The following SLC6A6 variants were observed in gnomAD, a reference collection of about 807,000 sequenced individuals.
SLC6A6 encodes sodium- and chloride-dependent taurine transporter.
A neutral mutation model predicts 68.8 loss-of-function variants in SLC6A6; 16 were observed. That is an observed-to-expected ratio of 0.23 (90% CI 0.16 to 0.35). SLC6A6 has a LOEUF of 0.35. SLC6A6 is among the 10% of genes least tolerant of loss of function. SLC6A6 has a pLI of 1.00. For synonymous variants in SLC6A6, 312 were observed against 315.4 expected (o/e 0.99, Z 0.12); for missense variants, 474 against 802.8 (o/e 0.59, Z 4.95).
chr3:14,460,407 G>C (rs549191864), intron 6 of SLC6A6, among the ~76,000 whole-genome samples: 1 of 152,166 alleles, frequency 6.6e-6, no homozygotes, highest in Admixed American at 6.5e-5. Flanking sequence ...GGGTGGCCAG[G>C]CAAGACCTAC....
chr3:14,441,887 C>T lies in SLC6A6; in HGVS notation c.-11-1737C>T, dbSNP rs151019971. Among the ~76,000 whole-genome samples, 719 of 152,380 alleles carry T rather than the reference C, an allele frequency of 4.7e-3. 1 individual carries two copies. Among genetic ancestry groups the T allele is most frequent in the Non-Finnish European group, 7.3e-3 (495 of 68,034 alleles). ...ACACCCTACTGTGTGCCAGGCATGG[C>T]GCCTGGCTCTGGGACACAGTTGTGA... On this transcript the variant is annotated intron_variant, in intron 2 of 14. Coordinates refer to ENST00000622186, the MANE Select transcript of SLC6A6 (RefSeq NM_003043.6).
At chr3:14,433,328 C>T (rs1225830999) in intron 2 of SLC6A6, among the ~76,000 whole-genome samples, 1 of 152,158 alleles carries the variant, frequency 6.6e-6, no homozygotes, top group African/African-American at 2.4e-5. Context: ...CATGGCTTCA[C>T]CCATGGAGCC....
At chr3:14,451,839 C>T (rs184644060) in intron 5 of SLC6A6, among the ~76,000 whole-genome samples, 40 of 152,284 alleles carry the variant, frequency 2.6e-4, no homozygotes, top group Admixed American at 1.4e-3. Context: ...ATTTTTTGCG[C>T]GTTGCTGTCT....
rs1700681683 is a variant in SLC6A6, at chr3:14,468,658, A to G, written c.1096+446A>G. On this transcript the variant is annotated intron_variant, in intron 9 of 14. Coordinates refer to ENST00000622186, the MANE Select transcript of SLC6A6 (RefSeq NM_003043.6). The surrounding 1 kb of genome is among the most constrained non-coding windows in gnomAD (Gnocchi z 4.5). The stretch of plus-strand genomic sequence containing the variant: ...TCCCTCTAAGCAGACGCATTCATCC[A>G]TCCCACCGATTTCTCGTGAATGAGT... 6.6e-6 allele frequency among the ~76,000 whole-genome samples: 1 copy of G among 152,040 alleles called. No homozygotes were observed. Among genetic ancestry groups the G allele is most frequent in the African/African-American group, 2.4e-5 (1 of 41,376 alleles).
Position 14,447,828 on chromosome 3 carries a change from TCA to T in SLC6A6, c.599+13_599+14del. ...ATCGAGTTCTGGGAGTAAGGCCACC[TCA>T]TTGAAGCAAGGAGGAGGACATGGGT... On this transcript the variant is annotated intron_variant, in intron 5 of 14. Coordinates refer to ENST00000622186, the MANE Select transcript of SLC6A6 (RefSeq NM_003043.6). 1 of 1,613,932 alleles carries T rather than the reference TCA, an allele frequency of 6.2e-7. No homozygotes were observed. The highest frequency in any genetic ancestry group is 8.5e-7 in the Non-Finnish European group (1 of 1,179,922).
chr3:14,449,362 G>A (rs1361812383), intron 5 of SLC6A6, among the ~76,000 whole-genome samples: 1 of 152,220 alleles, frequency 6.6e-6, no homozygotes, highest in East Asian at 1.9e-4. Flanking sequence ...TCGGTTCCCC[G>A]CTCCCTGGGG....
intron 11 of SLC6A6, 28 bp from the exon 12 acceptor site, chr3:14,478,438 C>A (rs369376341): frequency 4.2e-6 from 6 of 1,435,066 alleles, no homozygotes; most frequent in African/African-American, 1.4e-5. Flanking sequence ...GGTAGGAAAT[C>A]GACCTTCTGT....
intron 1 of SLC6A6, among the ~76,000 whole-genome samples, 191 bp downstream of exon 1, chr3:14,403,038 C>T (rs918100319): frequency 6.6e-6 from 1 of 151,784 alleles, no homozygotes; most frequent in African/African-American, 2.4e-5. Context: ...ATTGTTTCCC[C>T]GGCAAAAGGG....
At chr3:14,431,640 G>T (rs1296120135) in intron 2 of SLC6A6, among the ~76,000 whole-genome samples, 1 of 152,186 alleles carries the variant, frequency 6.6e-6, no homozygotes, top group Non-Finnish European at 1.5e-5. Context: ...CTAGGAATCG[G>T]CTTCCAGTTA....
intron 7 of SLC6A6, among the ~76,000 whole-genome samples, chr3:14,467,246 C>A (rs1362961496): frequency 6.6e-6 from 1 of 152,224 alleles, no homozygotes; most frequent in Non-Finnish European, 1.5e-5. Context: ...TTCCCCACCA[C>A]CCTTCCCCCT....
rs775653728 is a variant in SLC6A6 at position 14,458,064 on chromosome 3, C to T, written c.714C>T (p.Gly238=). ...WLVCFFCIWK[G]VRSTGKVVYF... ...TGTGTTTCTTCTGCATCTGGAAGGG[C>T]GTCAGGTCCACTGGGAAGGTAAGTT... The change falls in exon 6 of 15, where the codon GGC becomes GGT. Residue 238 remains glycine, a synonymous_variant. Transcript: ENST00000622186. 1.2e-5 allele frequency: 19 copies of T among 1,613,724 alleles called. No individual in the cohort carries two copies. Among genetic ancestry groups the T allele is most frequent in the Middle Eastern group, 1.6e-4 (1 of 6,084 alleles).
At chr3:14,420,233 G>C (rs557327413) in intron 2 of SLC6A6, among the ~76,000 whole-genome samples, 1 of 152,326 alleles carries the variant, frequency 6.6e-6, no homozygotes, top group South Asian at 2.1e-4. Context: ...AGAAGTTCAA[G>C]ACCAGCCTGG....
intron 6 of SLC6A6, among the ~76,000 whole-genome samples, chr3:14,464,826 C>G (rs562935797): frequency 4.6e-5 from 7 of 152,320 alleles, no homozygotes; most frequent in African/African-American, 1.7e-4. Context: ...TCCAAGGTCC[C>G]CTGATCCCCA....
chr3:14,441,413 G>T (rs1699982624), intron 2 of SLC6A6, among the ~76,000 whole-genome samples: 1 of 152,148 alleles, frequency 6.6e-6, no homozygotes, highest in Non-Finnish European at 1.5e-5. Flanking sequence ...GTAGCCATTG[G>T]CCTGTCGAAT....
rs114264993 is a variant in SLC6A6, at chr3:14,485,013, C to T, written c.*6C>T. ...TTGTGGAGACCATGATGTGAGCTCT[C>T]TCGGGTCGACGGGGCCGGCGGCTTT... On this transcript the variant is annotated 3_prime_UTR_variant, in exon 15 of 15. Coordinates refer to ENST00000622186, the MANE Select transcript of SLC6A6 (RefSeq NM_003043.6). 8,952 of 1,600,546 alleles carry T rather than the reference C, an allele frequency of 5.6e-3. 259 individuals carry two copies. In the African/African-American group the frequency reaches 0.076, roughly 14 times the overall value.
At chr3:14,446,027 G>T (rs1469931408) in intron 4 of SLC6A6, among the ~76,000 whole-genome samples, 176 bp downstream of exon 4, 2 of 152,242 alleles carry the variant, frequency 1.3e-5, no homozygotes, top group African/African-American at 4.8e-5. Flanking sequence ...CTGCTTAGGA[G>T]TACGGGGAAA....
At chr3:14,457,295 G>T (rs1468430242) in intron 5 of SLC6A6, among the ~76,000 whole-genome samples, 1 of 152,138 alleles carries the variant, frequency 6.6e-6, no homozygotes, top group African/African-American at 2.4e-5. Flanking sequence ...GGCAGGGGAG[G>T]AAACCAGCAT....
In SLC6A6 at chr3:14,409,675, T is replaced by C. The variant is rs566035911; in HGVS notation, c.-53-6737T>C. ...AGGGGAGATCCCTATCAGGAGGAGG[T>C]TAGTGAACAGTCTAAGATGGTTTAT... On this transcript the variant is annotated intron_variant, in intron 1 of 14. Transcript: ENST00000622186. Among the ~76,000 whole-genome samples the C allele has an allele frequency of 1.3e-3, 199 of 151,924 alleles. 2 individuals are homozygous for C. The highest frequency in any genetic ancestry group is 4.7e-3 in the African/African-American group (193 of 41,382).
At chr3:14,464,107 C>T (rs1219104934) in intron 6 of SLC6A6, among the ~76,000 whole-genome samples, 3 of 152,210 alleles carry the variant, frequency 2.0e-5, no homozygotes, top group African/African-American at 4.8e-5. Flanking sequence ...AGAGCTCCTA[C>T]GGTCCCAGCC....
Sources: allele counts gnomAD v4.1 joint callset (sites outside exome capture counted in the v4.1 genomes callset), GRCh38; gene constraint gnomAD v4.1.1; non-coding constraint Gnocchi (gnomAD v3.1); transcripts MANE v1.5; gene names NCBI Gene and HGNC (gene_info 2026-07-23, HGNC 2026-07-21).